The following LRRTM4 variants were observed in gnomAD, a reference collection of about 807,000 sequenced individuals.
LRRTM4 encodes leucine-rich repeat transmembrane neuronal protein 4.
In LRRTM4, 25 loss-of-function variants were observed where a neutral mutation model predicts 47.6. That is an observed-to-expected ratio of 0.53 (90% CI 0.38 to 0.73). The LOEUF is 0.73. Among genes scored for constraint, LRRTM4 ranks in the 30% least tolerant of loss-of-function variants. The pLI, the probability that LRRTM4 is intolerant of heterozygous loss-of-function variation, is 0.00. For missense variants in LRRTM4, 638 were observed against 713.4 expected (o/e 0.89, Z 1.20); for synonymous variants, 311 against 269.5 (o/e 1.15, Z -1.51).
At chr2:77,078,357 A>T (rs1439660275) in intron 3 of LRRTM4, among the ~76,000 whole-genome samples, 1 of 143,094 alleles carries the variant, frequency 7.0e-6, no homozygotes, top group Non-Finnish European at 1.5e-5. Flanking sequence ...TGAAAAAAAT[A>T]TGTTTGTCTA....
chr2:77,508,475 C>G (rs908920118), intron 3 of LRRTM4, among the ~76,000 whole-genome samples: 1 of 152,056 alleles, frequency 6.6e-6, no homozygotes, highest in Non-Finnish European at 1.5e-5. Context: ...CTGGCCAAAT[C>G]CCCTCATTGG....
chr2:77,093,348 A>T (rs182252704), intron 3 of LRRTM4, among the ~76,000 whole-genome samples: 1 of 149,488 alleles, frequency 6.7e-6, no homozygotes, highest in Admixed American at 6.6e-5. Context: ...CAATTCTTAG[A>T]CCTTTTATAC....
At chr2:76,854,524 G>T (rs2103984387) in intron 3 of LRRTM4, among the ~76,000 whole-genome samples, 1 of 152,178 alleles carries the variant, frequency 6.6e-6, no homozygotes, top group East Asian at 1.9e-4. Context: ...ATTACTCTCT[G>T]AGGGCAAAAA....
At chr2:76,872,731 G>T (rs1476463973) in intron 3 of LRRTM4, among the ~76,000 whole-genome samples, 1 of 152,024 alleles carries the variant, frequency 6.6e-6, no homozygotes, top group Non-Finnish European at 1.5e-5. Context: ...GTTTCCTAAT[G>T]TAGGAGGTGA....
chr2:77,217,155 T>C (rs1335616757), intron 3 of LRRTM4, among the ~76,000 whole-genome samples: 2 of 151,428 alleles, frequency 1.3e-5, no homozygotes, highest in African/African-American at 2.4e-5. Flanking sequence ...CAGGCACTTA[T>C]ATCTTTCTCT....
At chr2:76,972,170 T>C (rs566509064) in intron 3 of LRRTM4, among the ~76,000 whole-genome samples, 4 of 152,090 alleles carry the variant, frequency 2.6e-5, no homozygotes, top group South Asian at 2.1e-4. Context: ...AGAAACCCAA[T>C]AGTAGTTCTC....
At chr2:77,076,222 T>TG (rs1461886443) in intron 3 of LRRTM4, among the ~76,000 whole-genome samples, 1 of 152,182 alleles carries the variant, frequency 6.6e-6, no homozygotes, top group Non-Finnish European at 1.5e-5. Flanking sequence ...GAACTTACAC[T>TG]GTCCTTGGAA....
rs369579558 is a variant in LRRTM4, at chr2:76,897,594, G to T, written c.1552-148678C>A. ...GTAAGAAGGAGTCTCAAATCCTTAG[G>T]CCTTTGTTAAAGGTAGCCGTTATAG... On this transcript the variant is annotated intron_variant, in intron 3 of 3. Coordinates refer to ENST00000409884, the MANE Select transcript of LRRTM4 (RefSeq NM_001134745.3). Among the ~76,000 whole-genome samples the T allele has an allele frequency of 6.6e-5, 10 of 152,250 alleles. No individual in the cohort carries two copies. In the East Asian group the frequency reaches 1.9e-3, roughly 29 times the overall value.
chr2:77,094,052 T>C (rs1670738663), intron 3 of LRRTM4, among the ~76,000 whole-genome samples: 1 of 152,104 alleles, frequency 6.6e-6, no homozygotes, highest in African/African-American at 2.4e-5. Flanking sequence ...CTGATGACAA[T>C]CTTAGAGGTA....
intron 3 of LRRTM4, among the ~76,000 whole-genome samples, chr2:77,300,686 T>C (rs1230155100): frequency 6.6e-6 from 1 of 152,206 alleles, no homozygotes; most frequent in African/African-American, 2.4e-5. Flanking sequence ...TACTACTTCT[T>C]GGAAAAGGAT....
intron 3 of LRRTM4, among the ~76,000 whole-genome samples, chr2:76,896,508 G>A (rs1459241600): frequency 6.6e-6 from 1 of 151,860 alleles, no homozygotes; most frequent in Non-Finnish European, 1.5e-5. Flanking sequence ...TATGTCAGAA[G>A]CAACTTTTCA....
At chr2:77,163,331 A>T (rs1181748788) in intron 3 of LRRTM4, among the ~76,000 whole-genome samples, 2 of 152,230 alleles carry the variant, frequency 1.3e-5, no homozygotes, top group Non-Finnish European at 2.9e-5. Context: ...ACTATGTGGA[A>T]AGAACAAATC....
At chr2:76,833,934 T>TA (rs1265147910) in intron 3 of LRRTM4, among the ~76,000 whole-genome samples, 14 of 151,660 alleles carry the variant, frequency 9.2e-5, no homozygotes, top group African/African-American at 3.1e-4. Flanking sequence ...ATCCTTCATA[T>TA]AAGCAATTTT....
intron 3 of LRRTM4, among the ~76,000 whole-genome samples, chr2:77,109,799 C>A (rs1406980796): frequency 2.0e-5 from 3 of 151,392 alleles, no homozygotes; most frequent in Non-Finnish European, 4.4e-5. Context: ...CATAACAACA[C>A]AAAAAAGTCC....
At position 76,793,759 on chromosome 2, in the gene LRRTM4, T is replaced by TAAAC. The variant is rs575303179; in HGVS notation, c.1552-44847_1552-44844dup. Reference sequence around the variant, plus strand: ...CATTTTGCCCACCAGTATGAACTTATAAACAGTGAATTGAGATCCAGGAGG... The same window carrying TAAAC: ...CATTTTGCCCACCAGTATGAACTTATAAACAAACAGTGAATTGAGATCCAGGAGG... On this transcript the variant is annotated intron_variant, in intron 3 of 3. Coordinates refer to ENST00000409884, the MANE Select transcript of LRRTM4 (RefSeq NM_001134745.3). Among the ~76,000 whole-genome samples the TAAAC allele has an allele frequency of 2.0e-5, 3 of 152,256 alleles. No individual in the cohort carries two copies. The South Asian group carries it at 6.2e-4, about 32-fold the overall frequency.
chr2:76,935,574 G>C (rs941752579), intron 3 of LRRTM4, among the ~76,000 whole-genome samples: 1 of 152,122 alleles, frequency 6.6e-6, no homozygotes, highest in African/African-American at 2.4e-5. Context: ...CACATCCCTT[G>C]TAAGTTGTAT....
chr2:76,780,021 A>T (rs1239411521), intron 3 of LRRTM4, among the ~76,000 whole-genome samples: 1 of 152,070 alleles, frequency 6.6e-6, no homozygotes. Flanking sequence ...TCACTTATGA[A>T]GCTTAGTTTG....
At chr2:77,148,183 C>T (rs1169088817) in intron 3 of LRRTM4, among the ~76,000 whole-genome samples, 2 of 152,280 alleles carry the variant, frequency 1.3e-5, no homozygotes, top group South Asian at 4.1e-4. Context: ...CTAACTTTTA[C>T]TTCATGAACA....
chr2:77,038,431 C>A (rs1678908050), intron 3 of LRRTM4, among the ~76,000 whole-genome samples: 1 of 151,444 alleles, frequency 6.6e-6, no homozygotes, highest in South Asian at 2.1e-4. Flanking sequence ...GTTAGCATTA[C>A]CTTTTAATGA....
Sources: allele counts gnomAD v4.1 joint callset (sites outside exome capture counted in the v4.1 genomes callset), GRCh38; gene constraint gnomAD v4.1.1; transcripts MANE v1.5; gene names NCBI Gene and HGNC (gene_info 2026-07-23, HGNC 2026-07-21).